The following RBFOX3 variants were observed in gnomAD, a reference collection of about 807,000 sequenced individuals.
The protein encoded by RBFOX3 is RNA binding protein fox-1 homolog 3.
A neutral mutation model predicts 48.7 loss-of-function variants in RBFOX3; 17 were observed. The ratio of observed to expected loss-of-function variants is 0.35; its 90% CI spans 0.24 to 0.52. The LOEUF (loss-of-function observed/expected upper bound fraction) is 0.52. RBFOX3 is among the 20% of genes least tolerant of loss of function. The probability of loss-of-function intolerance (pLI) is 0.94; values close to 1 mark genes in which losing one functional copy is unlikely to be tolerated. For missense variants in RBFOX3, 382 were observed against 497.5 expected (o/e 0.77, Z 2.21); for synonymous variants, 212 against 209.5 (o/e 1.01, Z -0.10).
intron 1 of RBFOX3, among the ~76,000 whole-genome samples, chr17:79,593,795 T>A (rs1465588669): frequency 3.3e-5 from 5 of 152,128 alleles, no homozygotes; most frequent in Non-Finnish European, 5.9e-5. Flanking sequence ...AGGCAGTCGG[T>A]CATCTGCAGC....
At chr17:79,628,925 A>G in the RBFOX3 span, among the ~76,000 whole-genome samples, 20 of 152,356 alleles carry the variant, frequency 1.3e-4, 1 homozygote, top group South Asian at 3.9e-3. Flanking sequence ...GGGGGCATGA[A>G]GACCACAGCA....
rs8074197 is a variant in RBFOX3 at position 79,214,074 on chromosome 17, G to A, written c.-34+21692C>T. ...GAACTACAGCCAACCCTCGCATGGC[G>A]CCGCCCAGCTCTGGTAGGAGGGACT... On this transcript the variant is annotated intron_variant, in intron 4 of 14. Transcript: ENST00000693108. This position sits in a 1 kb window ranked among gnomAD's most constrained non-coding sequence, Gnocchi z 4.7. Among the ~76,000 whole-genome samples, 134,052 of 152,214 alleles carry A rather than the reference G, an allele frequency of 0.88. 59,503 individuals are homozygous for A. Among genetic ancestry groups the A allele is most frequent in the East Asian group, 1 (5,144 of 5,156 alleles).
At chr17:79,193,756 G>C (rs890420665) in intron 4 of RBFOX3, among the ~76,000 whole-genome samples, 1 of 152,224 alleles carries the variant, frequency 6.6e-6, no homozygotes, top group Non-Finnish European at 1.5e-5. Context: ...AAATGCTGTG[G>C]AGAGGGTCAA....
intron 3 of RBFOX3, among the ~76,000 whole-genome samples, chr17:79,273,820 C>T (rs1260281982): frequency 6.6e-6 from 1 of 152,210 alleles, no homozygotes; most frequent in Non-Finnish European, 1.5e-5. Context: ...CCCGTGCCCT[C>T]CTGCCACAGT....
chr17:79,639,182 TA>T, the RBFOX3 span, among the ~76,000 whole-genome samples: 3 of 152,112 alleles, frequency 2.0e-5, no homozygotes, highest in East Asian at 1.9e-4. Flanking sequence ...TTTTATTGTT[TA>T]TTTTTTTTTG....
chr17:79,656,276 T>C, the RBFOX3 span, among the ~76,000 whole-genome samples: 655 of 152,284 alleles, frequency 4.3e-3, 8 homozygotes, highest in East Asian at 0.03. Context: ...AAAGCAGCCA[T>C]TGACAATGCA....
At chr17:79,154,397 C>G (rs1445373824) in intron 4 of RBFOX3, among the ~76,000 whole-genome samples, 1 of 152,222 alleles carries the variant, frequency 6.6e-6, no homozygotes, top group Non-Finnish European at 1.5e-5. Context: ...AGGACCAAGA[C>G]CTCATCTCTC....
Position 79,195,678 on chromosome 17 carries a change from C to T in RBFOX3, c.-34+40088G>A, listed in dbSNP as rs995561645. Among the ~76,000 whole-genome samples the T allele has an allele frequency of 2.6e-5, 4 of 152,138 alleles. No homozygotes were observed. The highest frequency in any genetic ancestry group is 5.9e-5 in the Non-Finnish European group (4 of 68,028). ...TCTGCTGAGGCCAGTGGTGGGGTGG[C>T]GGGGGTGGCTTTCCTTCTGTGCTCC... is the stretch of plus-strand genomic sequence containing the variant. On this transcript the variant is annotated intron_variant, in intron 4 of 14. Transcript: ENST00000693108. This position sits in a 1 kb window ranked among gnomAD's most constrained non-coding sequence, Gnocchi z 5.3.
At chr17:79,520,465 G>A (rs1361592101) in intron 1 of RBFOX3, among the ~76,000 whole-genome samples, 1 of 152,184 alleles carries the variant, frequency 6.6e-6, no homozygotes, top group African/African-American at 2.4e-5. Context: ...CAGGGGTCAG[G>A]TGCCAGGAAC....
intron 3 of RBFOX3, among the ~76,000 whole-genome samples, chr17:79,293,184 T>C (rs2073672306): frequency 6.6e-6 from 1 of 152,220 alleles, no homozygotes; most frequent in African/African-American, 2.4e-5. Context: ...TCTCATTATC[T>C]CCGTTTAACA....
chr17:79,149,637 C>T (rs1357514356), intron 4 of RBFOX3, among the ~76,000 whole-genome samples: 2 of 152,048 alleles, frequency 1.3e-5, no homozygotes, highest in African/African-American at 4.8e-5. Flanking sequence ...GGACCGTCCC[C>T]ACACACTGCA....
chr17:79,615,215 C>T (rs2145598715), upstream of RBFOX3, among the ~76,000 whole-genome samples: 1 of 152,256 alleles, frequency 6.6e-6, no homozygotes, highest in South Asian at 2.1e-4. Context: ...GCCTGGAATC[C>T]CTTACTTCAC....
chr17:79,151,997 C>T (rs2044630351), intron 4 of RBFOX3, among the ~76,000 whole-genome samples: 1 of 151,542 alleles, frequency 6.6e-6, no homozygotes, highest in African/African-American at 2.4e-5. Context: ...CCAAGGCCCC[C>T]TGTCCCGCAG....
chr17:79,389,643 C>T (rs753237095), intron 2 of RBFOX3, among the ~76,000 whole-genome samples: 3 of 152,170 alleles, frequency 2.0e-5, no homozygotes, highest in Non-Finnish European at 2.9e-5. Context: ...CATGCTGGGC[C>T]GGTTTCCAGA....
chr17:79,250,957 T>C (rs1350698298), intron 3 of RBFOX3, among the ~76,000 whole-genome samples: 1 of 152,026 alleles, frequency 6.6e-6, no homozygotes, highest in African/African-American at 2.4e-5. Context: ...TACATGTACG[T>C]GCCACCAAGC....
At chr17:79,093,999 C>T (rs1021780253) in intron 14 of RBFOX3, among the ~76,000 whole-genome samples, 5 of 152,020 alleles carry the variant, frequency 3.3e-5, no homozygotes, top group African/African-American at 7.2e-5. Context: ...CTCTCGGATG[C>T]GATGCGAGGG....
intron 4 of RBFOX3, among the ~76,000 whole-genome samples, chr17:79,148,163 C>T (rs61424570): frequency 0.098 from 14,855 of 152,168 alleles, 929 homozygotes; most frequent in African/African-American, 0.17. Context: ...GTTTTGGGAG[C>T]GGTCATGGCT....
chr17:79,100,592 T>A (rs1320363182), intron 9 of RBFOX3, among the ~76,000 whole-genome samples: 2 of 151,984 alleles, frequency 1.3e-5, no homozygotes, highest in Non-Finnish European at 2.9e-5. Context: ...GCCGATCACA[T>A]GGGGGGCCAT....
At chr17:79,283,244 T>C (rs2071016117) in intron 3 of RBFOX3, among the ~76,000 whole-genome samples, 1 of 150,174 alleles carries the variant, frequency 6.7e-6, no homozygotes, top group African/African-American at 2.5e-5. Context: ...TGTGCTAAGG[T>C]AATATTCCTA....
Sources: allele counts gnomAD v4.1 joint callset (sites outside exome capture counted in the v4.1 genomes callset), GRCh38; gene constraint gnomAD v4.1.1; non-coding constraint Gnocchi (gnomAD v3.1); transcripts MANE v1.5; gene names NCBI Gene and HGNC (gene_info 2026-07-23, HGNC 2026-07-21).